Variants in ATPSCKMT observed in about 807,000 individuals in gnomAD.
ATPSCKMT encodes ATP synthase c subunit lysine N-methyltransferase, also known as ATP synthase subunit C lysine N-methyltransferase.
Under a neutral mutation model 24.3 loss-of-function variants are expected in ATPSCKMT, and 24 were observed. The observed-to-expected ratio is 0.99, with a 90% CI of 0.71 to 1.39. ATPSCKMT has a LOEUF of 1.39. ATPSCKMT is among the 40% of genes most tolerant of loss of function. ATPSCKMT has a pLI of 0.00. For missense variants in ATPSCKMT, 311 were observed against 298.4 expected, an observed-to-expected ratio of 1.04 and a Z score of -0.31; for synonymous variants, 95 against 110.5, an observed-to-expected ratio of 0.86 and a Z score of 0.88.
chr5:10,249,603 G>T, intron 1 of ATPSCKMT: 1 of 484,766 alleles, frequency 2.1e-6, no homozygotes. Flanking sequence ...TCGTGCCAAA[G>T]GCTGAGTCAC....
At chr5:10,236,179 T>C (rs1310618370) in intron 3 of ATPSCKMT, 3 of 251,540 alleles carry the variant, frequency 1.2e-5, no homozygotes, top group African/African-American at 6.8e-5. Flanking sequence ...TAATAATTTA[T>C]AGGATTTCCA....
Position 10,227,231 on chromosome 5 carries a change from G to GT in ATPSCKMT, c.*209dup. 1.8e-6 allele frequency: 1 copy of GT among 571,182 alleles called. No homozygotes were observed. Among genetic ancestry groups the GT allele is most frequent in the South Asian group, 2.1e-5 (1 of 48,124 alleles). The allele number at this position is 571,182 out of a possible 1,614,324, so 35.4% of individuals were successfully genotyped here. ...ATGCATCCAGGTGCATGGAAAGGCA[G>GT]TAAGTACAATTTTTAAGAAAATAGC... is the stretch of plus-strand genomic sequence containing the variant. On this transcript the variant is annotated 3_prime_UTR_variant, in exon 5 of 5. Coordinates refer to ENST00000511437, the MANE Select transcript of ATPSCKMT (RefSeq NM_199133.4).
chr5:10,246,173 C>T (rs7702512), intron 1 of ATPSCKMT, among the ~76,000 whole-genome samples: 18,485 of 151,790 alleles, frequency 0.12, 1,519 homozygotes, highest in African/African-American at 0.22. Context: ...CTCACGCCTG[C>T]AATCCCAGCA....
At chr5:10,248,312 C>T (rs191858950) in intron 1 of ATPSCKMT, 1 of 152,282 alleles carries the variant, frequency 6.6e-6, no homozygotes. Flanking sequence ...AGTGTTTTGA[C>T]AGGGAATCAA....
At chr5:10,242,667 T>C (rs896179544) in intron 1 of ATPSCKMT, among the ~76,000 whole-genome samples, 2 of 152,236 alleles carry the variant, frequency 1.3e-5, no homozygotes, top group South Asian at 4.1e-4. Context: ...TTGAATTGAC[T>C]TTGCCCAGAT....
Position 10,239,337 on chromosome 5 carries a change from A to G in ATPSCKMT, c.36T>C (p.Leu12=), listed in dbSNP as rs1384165585. The change falls in exon 2 of 5, where the codon CTT becomes CTC. Residue 12 remains leucine, a synonymous_variant. Coordinates refer to ENST00000511437, the MANE Select transcript of ATPSCKMT (RefSeq NM_199133.4). ...EGGGGIPLET[L]KEESQSRHVL... is the part of the protein sequence containing the mutation. ...CATGTCTTGACTGACTTTCTTCTTT[A>G]AGTGTTTCTAGGGGTATACCTAGAT... The G allele has an allele frequency of 6.2e-7, 1 of 1,613,738 alleles. No homozygotes were observed. The highest frequency in any genetic ancestry group is 8.5e-7 in the Non-Finnish European group (1 of 1,179,898).
chr5:10,230,831 G>A (rs1407953206), intron 4 of ATPSCKMT, among the ~76,000 whole-genome samples: 2 of 151,992 alleles, frequency 1.3e-5, no homozygotes, highest in East Asian at 3.9e-4. Context: ...CCTACTGGTT[G>A]CCCCTAATTT....
intron 4 of ATPSCKMT, among the ~76,000 whole-genome samples, chr5:10,234,730 T>C (rs116635866): frequency 0.027 from 4,125 of 152,306 alleles, 89 homozygotes; most frequent in Non-Finnish European, 0.041. Context: ...TGAAAGTACA[T>C]AATCAAAGTT....
intron 1 of ATPSCKMT, chr5:10,249,631 G>A: frequency 1.6e-6 from 1 of 633,130 alleles, no homozygotes; most frequent in Non-Finnish European, 2.6e-6. Flanking sequence ...AAGTAGCCTA[G>A]AACAGTCTCT....
chr5:10,243,209 G>C (rs560644576), intron 1 of ATPSCKMT, among the ~76,000 whole-genome samples: 2 of 152,336 alleles, frequency 1.3e-5, no homozygotes, highest in South Asian at 4.1e-4. Context: ...CTGCTGGCCA[G>C]GCACAGTGGC....
At chr5:10,244,304 T>C (rs1205839798) in intron 1 of ATPSCKMT, 1 of 152,162 alleles carries the variant, frequency 6.6e-6, no homozygotes, top group Non-Finnish European at 1.5e-5. Context: ...TACCAAAATG[T>C]GACACAGAGA....
intron 2 of ATPSCKMT, chr5:10,237,078 T>C: frequency 1.7e-6 from 2 of 1,211,796 alleles, no homozygotes; most frequent in Non-Finnish European, 2.2e-6. Flanking sequence ...ACATATTTCC[T>C]TTGTAGTTAA....
intron 1 of ATPSCKMT, among the ~76,000 whole-genome samples, chr5:10,241,292 G>C (rs1744632658): frequency 6.6e-6 from 1 of 152,108 alleles, no homozygotes; most frequent in East Asian, 1.9e-4. Context: ...CCCATCTCAA[G>C]ACCACTGATT....
rs560401530 is a variant in ATPSCKMT, at chr5:10,236,747, T to A, written c.307-132A>T. The A allele has an allele frequency of 6.2e-6, 9 of 1,461,578 alleles. No individual in the cohort carries two copies. In the African/African-American group the frequency reaches 8.5e-5, roughly 14 times the overall value. The allele number at this position is 1,461,578 out of a possible 1,614,324, so 90.5% of individuals were successfully genotyped here. A position where few individuals can be genotyped will look rare whatever the true frequency, so the allele number is the denominator to read the frequency against. ...CACCTCCCGTGACTAAGACATCATT[T>A]TAAAATGTGTCTCTAAAGCGATATA... On this transcript the variant is annotated intron_variant, in intron 2 of 4. Coordinates refer to ENST00000511437, the MANE Select transcript of ATPSCKMT (RefSeq NM_199133.4).
At chr5:10,243,853 A>G (rs1744760724) in intron 1 of ATPSCKMT, among the ~76,000 whole-genome samples, 1 of 152,254 alleles carries the variant, frequency 6.6e-6, no homozygotes, top group African/African-American at 2.4e-5. Context: ...TCACTGGAGT[A>G]GCACTTTTAA....
chr5:10,244,274 A>T (rs1177123091), intron 1 of ATPSCKMT, among the ~76,000 whole-genome samples: 1 of 152,246 alleles, frequency 6.6e-6, no homozygotes, highest in East Asian at 1.9e-4. Flanking sequence ...ATAGTGGAAA[A>T]TTTGAAATAT....
intron 1 of ATPSCKMT, among the ~76,000 whole-genome samples, chr5:10,241,807 A>G (rs1365045654): frequency 2.0e-5 from 3 of 152,236 alleles, no homozygotes; most frequent in Non-Finnish European, 4.4e-5. Context: ...AGCAAGTTAC[A>G]CAAATATTTT....
intron 3 of ATPSCKMT, 28 bp downstream of exon 3, chr5:10,236,450 C>G: frequency 6.2e-7 from 1 of 1,607,922 alleles, no homozygotes. Context: ...CCTTGGATTT[C>G]TCTAGGGCCA....
At chr5:10,240,501 C>T (rs1264012519) in intron 1 of ATPSCKMT, among the ~76,000 whole-genome samples, 6 of 152,120 alleles carry the variant, frequency 3.9e-5, no homozygotes, top group African/African-American at 1.4e-4. Flanking sequence ...AGGATCCCAG[C>T]TCTGCCACCT....
Sources: gnomAD v4.1 joint callset for allele counts (sites outside exome capture counted in the v4.1 genomes callset) on GRCh38, gnomAD v4.1.1 for gene constraint, MANE v1.5 for transcripts, NCBI Gene and HGNC (gene_info 2026-07-23, HGNC 2026-07-21) for gene names.